DNAAF9: variants seen among roughly 807,000 people sequenced by gnomAD.
The protein encoded by DNAAF9 is dynein axonemal assembly factor 9.
DNAAF9 carries 90 observed loss-of-function variants against 167.0 expected under a neutral mutation model. That is an observed-to-expected ratio of 0.54 (90% CI 0.45 to 0.64). The LOEUF (loss-of-function observed/expected upper bound fraction) is 0.64, where lower values mean the gene tolerates loss of function less well. DNAAF9 is among the 30% of genes least tolerant of loss of function. DNAAF9 has a pLI of 0.00. For missense variants in DNAAF9, 1,315 were observed against 1,442.2 expected, an observed-to-expected ratio of 0.91 and a Z score of 1.43; for synonymous variants, 491 against 508.8, an observed-to-expected ratio of 0.96 and a Z score of 0.47.
At chr20:3,295,995 T>G in intron 23 of DNAAF9, 3 of 1,498,332 alleles carry the variant, frequency 2.0e-6, no homozygotes, top group Non-Finnish European at 2.8e-6. Flanking sequence ...GGAGGCACCA[T>G]GTTGTACACA....
chr20:3,356,200 T>C (rs1195591949), intron 7 of DNAAF9, among the ~76,000 whole-genome samples: 1 of 152,126 alleles, frequency 6.6e-6, no homozygotes, highest in African/African-American at 2.4e-5. Flanking sequence ...GTATTTTTAG[T>C]AGAGATGAGG....
At position 3,366,931 on chromosome 20, in the gene DNAAF9, TA is replaced by T. The variant is rs746976841; in HGVS notation, c.612+7116del. Among the ~76,000 whole-genome samples, 550 of 136,460 alleles carry T rather than the reference TA, an allele frequency of 4.0e-3. 1 individual carries two copies. The highest frequency in any genetic ancestry group is 9.9e-3 in the African/African-American group (368 of 37,360). 89.5% of individuals were successfully genotyped at this position (136,460 alleles called of 152,430 possible). On this transcript the variant is annotated intron_variant, in intron 6 of 36. Coordinates refer to ENST00000252032, the MANE Select transcript of DNAAF9 (RefSeq NM_001009984.3). ...CACGGTGAGACTCTGCCTCAAAAAT[TA>T]AAAAAAAAAAAAATTAAAAAAATAA... is the stretch of plus-strand genomic sequence containing the variant.
At chr20:3,374,949 C>G in intron 5 of DNAAF9, 81 bp downstream of exon 5, 1 of 745,172 alleles carries the variant, frequency 1.3e-6, no homozygotes, top group East Asian at 2.6e-5. Context: ...GCTGAATGCC[C>G]CCAATGAAAG....
At chr20:3,338,746 G>A (rs1294090230) in intron 10 of DNAAF9, among the ~76,000 whole-genome samples, 1 of 149,566 alleles carries the variant, frequency 6.7e-6, no homozygotes, top group Non-Finnish European at 1.5e-5. Flanking sequence ...TCCGCCTCCT[G>A]GGTTCAAGCG....
chr20:3,294,649 C>A lies in DNAAF9; in HGVS notation c.2019-20G>T. On this transcript the variant is annotated intron_variant, in intron 23 of 36. Coordinates refer to ENST00000252032, the MANE Select transcript of DNAAF9 (RefSeq NM_001009984.3). ...GAGTGCCTGGAATAACAAAAGCTCA[C>A]AGATTAGAAGTCCATCTTCCTTCAG... 1 of 1,502,870 alleles carries A rather than the reference C, an allele frequency of 6.7e-7. No individual in the cohort carries two copies. Among genetic ancestry groups the A allele is most frequent in the Non-Finnish European group, 9.3e-7 (1 of 1,078,874 alleles). 93.1% of individuals were successfully genotyped at this position (1,502,870 alleles called of 1,614,324 possible). A position where few individuals can be genotyped will look rare whatever the true frequency, so the allele number is the denominator to read the frequency against.
chr20:3,333,008 T>C (rs566996665), intron 10 of DNAAF9, among the ~76,000 whole-genome samples: 1 of 151,454 alleles, frequency 6.6e-6, no homozygotes, highest in Admixed American at 6.6e-5. Context: ...AGGGCAATCA[T>C]GATTCAGAAG....
intron 16 of DNAAF9, among the ~76,000 whole-genome samples, chr20:3,320,441 C>T (rs908150786): frequency 2.6e-5 from 4 of 152,126 alleles, no homozygotes; most frequent in East Asian, 3.9e-4. Flanking sequence ...GCATACTTGA[C>T]GCAAGACTAT....
Position 3,315,757 on chromosome 20 carries a change from T to C in DNAAF9, c.1568A>G (p.Glu523Gly), listed in dbSNP as rs2069490313. 1.9e-6 allele frequency: 3 copies of C among 1,613,708 alleles called. No individual in the cohort carries two copies. Among genetic ancestry groups the C allele is most frequent in the South Asian group, 2.2e-5 (2 of 91,080 alleles). ...LVEDNEVKLSEKTQQAVRGDE... is the reference protein window; with the variant it reads ...LVEDNEVKLSGKTQQAVRGDE... ...TACCCTCACTGCTTGCTGGGTTTTCTCAGACAATTTTACTTCATTATCTTC... is the reference window on the plus strand; with the variant it reads ...TACCCTCACTGCTTGCTGGGTTTTCCCAGACAATTTTACTTCATTATCTTC... The change falls in exon 19 of 37, where the codon GAG (glutamate) becomes GGG (glycine). Residue 523 changes from glutamate to glycine, a missense_variant. Glu to Gly is a moderately conservative substitution (Grantham distance 98, BLOSUM62 -2). Coordinates refer to ENST00000252032, the MANE Select transcript of DNAAF9 (RefSeq NM_001009984.3). This position sits in a 1 kb window ranked among gnomAD's most constrained non-coding sequence, Gnocchi z 4.1.
Position 3,281,723 on chromosome 20 carries a change from G to T in DNAAF9, c.2530C>A (p.Pro844Thr). 10 of 1,612,658 alleles carry T rather than the reference G, an allele frequency of 6.2e-6. No individual in the cohort carries two copies. The highest frequency in any genetic ancestry group is 7.6e-6 in the Non-Finnish European group (9 of 1,179,328). ...IDVVQALQTH[P>T]DSNVKASFTI... The stretch of plus-strand genomic sequence containing the variant: ...AAGGAGGCCTTGACATTTGAGTCTG[G>T]GTGGGTCTGCAGGGCCTGGACAACA... Residue 844 changes from proline (P) to threonine (T), a missense_variant, in exon 28 of 37, where the codon CCA becomes ACA. Around this residue, in one of 2 missense-constraint regions of DNAAF9, gnomAD observed 334 missense variants for 429.7 expected, o/e 0.78. Coordinates refer to ENST00000252032, the MANE Select transcript of DNAAF9 (RefSeq NM_001009984.3).
intron 31 of DNAAF9, among the ~76,000 whole-genome samples, chr20:3,264,133 G>C (rs1034979747): frequency 6.6e-6 from 1 of 152,230 alleles, no homozygotes; most frequent in African/African-American, 2.4e-5. Flanking sequence ...CCTTGGTTCT[G>C]TGCCAGGCAC....
intron 29 of DNAAF9, among the ~76,000 whole-genome samples, chr20:3,276,405 A>C (rs1021935229): frequency 6.6e-6 from 1 of 150,964 alleles, no homozygotes; most frequent in African/African-American, 2.4e-5. Flanking sequence ...TGATCAGCCC[A>C]CATCTGATCA....
chr20:3,329,715 T>C (rs1327201253), intron 12 of DNAAF9, among the ~76,000 whole-genome samples: 1 of 152,204 alleles, frequency 6.6e-6, no homozygotes, highest in Non-Finnish European at 1.5e-5. Context: ...CAGGGAAGTG[T>C]TGATCTAGAC....
At chr20:3,296,506 T>C (rs2069082725) in intron 23 of DNAAF9, 1 of 293,522 alleles carries the variant, frequency 3.4e-6, no homozygotes, top group Admixed American at 4.8e-5. Context: ...GCCTCCTGAC[T>C]AGCTGAGACT....
At chr20:3,311,098 T>C (rs990325192) in intron 20 of DNAAF9, among the ~76,000 whole-genome samples, 1 of 152,182 alleles carries the variant, frequency 6.6e-6, no homozygotes, top group Non-Finnish European at 1.5e-5. Context: ...TGCACAAGAA[T>C]GCTCATAACA....
chr20:3,316,170 T>C (rs1259174501), intron 18 of DNAAF9: 2 of 246,038 alleles, frequency 8.1e-6, no homozygotes, highest in Non-Finnish European at 1.6e-5. Flanking sequence ...CTTCCCTGTC[T>C]GTGTGGGAAC....
Position 3,332,358 on chromosome 20 carries a change from C to G in DNAAF9, c.985G>C (p.Ala329Pro). ...GGTCCCTTTGGTGAGACACACTGGG[C>G]TACCTGGATGTCAGAAAAAAATAAA... Reference protein sequence around the residue: ...PGGSFAKHMVAQCVSPKGPLA... With the variant: ...PGGSFAKHMVPQCVSPKGPLA... Residue 329 changes from alanine (A) to proline (P), a missense_variant, in exon 11 of 37, where the codon GCC (alanine) becomes CCC (proline). This residue lies in a region of DNAAF9 where 981 missense variants were observed against 1,012.5 expected (regional missense o/e 0.97). Transcript: ENST00000252032. 2 of 1,583,870 alleles carry G rather than the reference C, an allele frequency of 1.3e-6. No homozygotes were observed. The highest frequency in any genetic ancestry group is 1.7e-6 in the Non-Finnish European group (2 of 1,153,226).
chr20:3,401,399 T>G (rs2083981783), intron 1 of DNAAF9, among the ~76,000 whole-genome samples: 1 of 151,888 alleles, frequency 6.6e-6, no homozygotes, highest in South Asian at 2.1e-4. Flanking sequence ...GATGGGGTTT[T>G]TCCAAGGCCA....
At position 3,256,152 on chromosome 20, in the gene DNAAF9, G is replaced by T. The variant is rs200570338; in HGVS notation, c.3115C>A (p.Pro1039Thr). Reference sequence around the variant, plus strand: ...GGTGGTGTGGGTCCTTCCAAAACTGGCATGATGCTCAAGGAGTTGGCCAGT... The same window carrying T: ...GGTGGTGTGGGTCCTTCCAAAACTGTCATGATGCTCAAGGAGTTGGCCAGT... The part of the protein sequence containing the change: ...NTLANSLSIM[P>T]VLEGPTPPPD... The change falls in exon 34 of 37, where the codon CCA becomes ACA. Residue 1039 changes from proline to threonine, a missense_variant. Around this residue, in one of 2 missense-constraint regions of DNAAF9, gnomAD observed 334 missense variants for 429.7 expected, o/e 0.78. Transcript: ENST00000252032. The T allele has an allele frequency of 1.4e-4, 232 of 1,614,076 alleles. 1 individual carries two copies. Among genetic ancestry groups the T allele is most frequent in the Non-Finnish European group, 1.9e-4 (221 of 1,180,034 alleles).
At chr20:3,365,622 C>T (rs2123194640) in intron 6 of DNAAF9, among the ~76,000 whole-genome samples, 1 of 152,110 alleles carries the variant, frequency 6.6e-6, no homozygotes, top group Non-Finnish European at 1.5e-5. Context: ...GAACTTCTGA[C>T]CTCAGGTGAT....
Sources: gnomAD v4.1 joint callset for allele counts (sites outside exome capture counted in the v4.1 genomes callset) on GRCh38, gnomAD v4.1.1 for gene constraint, gnomAD v4.1.1 regional missense constraint, Gnocchi (gnomAD v3.1) non-coding constraint, MANE v1.5 for transcripts, NCBI Gene and HGNC (gene_info 2026-07-23, HGNC 2026-07-21) for gene names.